STK33: variants seen among roughly 807,000 people sequenced by gnomAD.
STK33 encodes the protein serine/threonine-protein kinase 33.
Under a neutral mutation model 58.0 loss-of-function variants are expected in STK33, and 52 were observed. The observed-to-expected ratio is 0.90, with a 90% CI of 0.72 to 1.13. The LOEUF (loss-of-function observed/expected upper bound fraction) is 1.13. Among genes scored for constraint, STK33 ranks in the 50% most tolerant of loss-of-function variants. STK33 has a pLI of 0.00. For missense variants in STK33, 630 were observed against 604.2 expected, an observed-to-expected ratio of 1.04 and a Z score of -0.45; for synonymous variants, 215 against 200.1, an observed-to-expected ratio of 1.07 and a Z score of -0.63.
At chr11:8,513,678 T>A (rs1002042335) in intron 1 of STK33, among the ~76,000 whole-genome samples, 2 of 152,166 alleles carry the variant, frequency 1.3e-5, no homozygotes, top group African/African-American at 4.8e-5. Flanking sequence ...ACTTTTTTTT[T>A]AATTTTTGGG....
rs779632517 is a variant in STK33, at chr11:8,413,582, C to T, written c.1257G>A (p.Pro419=). The T allele has an allele frequency of 2.3e-5, 37 of 1,613,876 alleles. No homozygotes were observed. The highest frequency in any genetic ancestry group is 8.8e-5 in the South Asian group (8 of 91,072). ...AACTTTTCAACTTTTCTTCAGTGGA[C>T]GGCTTATTCTTCTCTTCTGTTGTGT... ...EENTTEEKNK[P]STEEKLKSYQ... The change falls in exon 15 of 16, where the codon CCG becomes CCA. Residue 419 remains proline (P), a synonymous_variant. Coordinates refer to ENST00000687296, the MANE Select transcript of STK33 (RefSeq NM_001352389.2).
At chr11:8,462,726 A>G (rs1199994088) in intron 7 of STK33, among the ~76,000 whole-genome samples, 1 of 152,158 alleles carries the variant, frequency 6.6e-6, no homozygotes, top group Non-Finnish European at 1.5e-5. Flanking sequence ...TAACACTCCA[A>G]GGAGCACAAG....
At chr11:8,517,475 G>T (rs1202411322) in intron 1 of STK33, among the ~76,000 whole-genome samples, 1 of 152,234 alleles carries the variant, frequency 6.6e-6, no homozygotes, top group Non-Finnish European at 1.5e-5. Context: ...AACAAAGCTG[G>T]ACGGAGAATG....
chr11:8,489,903 G>A (rs149007166), intron 1 of STK33, among the ~76,000 whole-genome samples: 153 of 152,276 alleles, frequency 1.0e-3, no homozygotes, highest in Non-Finnish European at 1.8e-3. Context: ...TAGCTAGTTT[G>A]AGGGACAAAA....
chr11:8,532,485 C>A (rs774409330), intron 1 of STK33, among the ~76,000 whole-genome samples: 1 of 152,236 alleles, frequency 6.6e-6, no homozygotes, highest in Non-Finnish European at 1.5e-5. Flanking sequence ...CCTGTCTAAA[C>A]CACTACCTTA....
intron 14 of STK33, among the ~76,000 whole-genome samples, chr11:8,421,543 G>C (rs1477877233): frequency 6.6e-6 from 1 of 152,144 alleles, no homozygotes; most frequent in Non-Finnish European, 1.5e-5. Context: ...ATATCCGGTA[G>C]AGCAAGACAT....
At chr11:8,455,419 A>G (rs1358079957) in intron 9 of STK33, among the ~76,000 whole-genome samples, 2 of 152,224 alleles carry the variant, frequency 1.3e-5, no homozygotes, top group African/African-American at 4.8e-5. Context: ...GCTCAGGTAC[A>G]ATTTTTATGT....
At chr11:8,420,272 A>G (rs1197042490) in intron 14 of STK33, among the ~76,000 whole-genome samples, 1 of 152,200 alleles carries the variant, frequency 6.6e-6, no homozygotes, top group African/African-American at 2.4e-5. Flanking sequence ...ATATCAAGAT[A>G]ATAAGTAAAG....
At chr11:8,565,185 A>G (rs544501522) in intron 1 of STK33, among the ~76,000 whole-genome samples, 12 of 152,348 alleles carry the variant, frequency 7.9e-5, no homozygotes, top group African/African-American at 2.9e-4. Flanking sequence ...TAGTGAAAGT[A>G]CAGGAGATGG....
intron 11 of STK33, among the ~76,000 whole-genome samples, chr11:8,448,710 G>T (rs547244176): frequency 1.3e-5 from 2 of 152,142 alleles, no homozygotes; most frequent in East Asian, 3.9e-4. Context: ...TACCATTCAG[G>T]ACATAGGCAT....
intron 14 of STK33, among the ~76,000 whole-genome samples, chr11:8,430,716 G>T (rs1229670809): frequency 6.6e-6 from 1 of 152,026 alleles, no homozygotes; most frequent in Non-Finnish European, 1.5e-5. Context: ...GGCAACCTGT[G>T]GGCAGGGACC....
chr11:8,341,572 C>T, the STK33 span, among the ~76,000 whole-genome samples: 1 of 152,220 alleles, frequency 6.6e-6, no homozygotes, highest in Non-Finnish European at 1.5e-5. Flanking sequence ...TTACTCCTAC[C>T]TAGAAACAAG....
chr11:8,343,201 G>A, the STK33 span, among the ~76,000 whole-genome samples: 3 of 152,254 alleles, frequency 2.0e-5, no homozygotes, highest in Admixed American at 6.5e-5. Context: ...AGGGGGCAGC[G>A]CCTGTCTGGC....
chr11:8,397,837 G>A (rs1040736023), intron 15 of STK33, among the ~76,000 whole-genome samples: 12 of 92,068 alleles, frequency 1.3e-4, no homozygotes, highest in African/African-American at 3.2e-4. Flanking sequence ...TAGCCGATTC[G>A]ATCAACTGGA....
At chr11:8,479,188 G>A (rs1429040735) in intron 2 of STK33, among the ~76,000 whole-genome samples, 2 of 152,090 alleles carry the variant, frequency 1.3e-5, no homozygotes, top group African/African-American at 2.4e-5. Context: ...GCTGAGGCGG[G>A]TGGATCACAA....
At chr11:8,564,687 C>G (rs1305927048) in intron 1 of STK33, among the ~76,000 whole-genome samples, 1 of 152,138 alleles carries the variant, frequency 6.6e-6, no homozygotes, top group South Asian at 2.1e-4. Flanking sequence ...TTATTAAAAG[C>G]ATTCTTAGCT....
At chr11:8,423,563 T>C (rs998630478) in intron 14 of STK33, among the ~76,000 whole-genome samples, 1 of 152,096 alleles carries the variant, frequency 6.6e-6, no homozygotes, top group African/African-American at 2.4e-5. Flanking sequence ...TTTACTGGCT[T>C]TTAACTGCGT....
chr11:8,530,337 G>C (rs1954427657), intron 1 of STK33, among the ~76,000 whole-genome samples: 1 of 151,842 alleles, frequency 6.6e-6, no homozygotes, highest in South Asian at 2.1e-4. Flanking sequence ...GGAAGTAAAA[G>C]CACTCTAAAA....
chr11:8,360,361 T>G, the STK33 span, among the ~76,000 whole-genome samples: 1 of 152,104 alleles, frequency 6.6e-6, no homozygotes, highest in Admixed American at 6.6e-5. Flanking sequence ...TCTCTAACCA[T>G]CAAAGGAGCA....
Sources: allele counts gnomAD v4.1 joint callset (sites outside exome capture counted in the v4.1 genomes callset), GRCh38; gene constraint gnomAD v4.1.1; transcripts MANE v1.5; gene names NCBI Gene and HGNC (gene_info 2026-07-23, HGNC 2026-07-21).